The following KRT81 variants were observed in gnomAD, a reference collection of about 807,000 sequenced individuals.
KRT81 encodes keratin, type II cuticular Hb1.
KRT81 carries 35 observed loss-of-function variants against 35.8 expected under a neutral mutation model. That is an observed-to-expected ratio of 0.98 (90% CI 0.75 to 1.30). KRT81 has a LOEUF of 1.30. Among genes scored for constraint, KRT81 ranks in the 50% most tolerant of loss-of-function variants. The pLI, the probability that KRT81 is intolerant of heterozygous loss-of-function variation, is 0.00. For synonymous variants in KRT81, 249 were observed against 251.2 expected, an observed-to-expected ratio of 0.99 and a Z score of 0.08; for missense variants, 531 against 577.4, an observed-to-expected ratio of 0.92 and a Z score of 0.82.
rs1937942444 is a variant in KRT81 at position 52,286,512 on chromosome 12, G to C, written c.1280-19C>G. On this transcript the variant is annotated intron_variant, in intron 8 of 8. Coordinates refer to ENST00000327741, the MANE Select transcript of KRT81 (RefSeq NM_002281.4). ...CTGACACCTGTGAACCCCGAAGGCT[G>C]AGTCAAAATTCTGAAGGGCAAGCCA... 6.4e-7 allele frequency: 1 copy of C among 1,550,606 alleles called. No individual in the cohort carries two copies. The highest frequency in any genetic ancestry group is 1.4e-5 in the African/African-American group (1 of 73,046).
Position 52,288,430 on chromosome 12 carries a change from C to T in KRT81, c.666G>A (p.Lys222=), listed in dbSNP as rs141008448. 3.5e-4 allele frequency: 562 copies of T among 1,613,638 alleles called. 3 individuals are homozygous for T. The East Asian group carries it at 6.2e-3, about 18-fold the overall frequency. The change falls in exon 4 of 9, where the codon AAG becomes AAA. Residue 222 remains lysine, a synonymous_variant. Transcript: ENST00000327741. ...CCTCCACGTTGGCCTCCAGGTCTGA[C>T]TTGCGGAGGTAGGCGCAGTCCACAT... ...KKDVDCAYLR[K]SDLEANVEAL...
At position 52,288,129 on chromosome 12, in the gene KRT81, G is replaced by A. The variant is rs769466293; in HGVS notation, c.755C>T (p.Ser252Leu). 4 of 1,614,114 alleles carry A rather than the reference G, an allele frequency of 2.5e-6. No individual in the cohort carries two copies. Among genetic ancestry groups the A allele is most frequent in the East Asian group, 2.2e-5 (1 of 44,878 alleles). Residue 252 changes from serine to leucine, a missense_variant, in exon 5 of 9, where the codon TCG (serine) becomes TTG (leucine). Transcript: ENST00000327741. ...AACCACGGAGGTGTCTGAGATGTGC[G>A]ACTGGAGAATGAGGATCTCCTGCAG... ...LYEEEILILQ[S>L]HISDTSVVVK... is the part of the protein sequence containing the mutation.
Position 52,285,994 on chromosome 12 carries a change from G to A in KRT81, c.*261C>T, listed in dbSNP as rs1937916076. 5.5e-6 allele frequency: 3 copies of A among 541,032 alleles called. No homozygotes were observed. In the Admixed American group the frequency reaches 9.4e-5, roughly 17 times the overall value. 33.5% of individuals were successfully genotyped at this position (541,032 alleles called of 1,614,324 possible). A position where few individuals can be genotyped will look rare whatever the true frequency, so the allele number is the denominator to read the frequency against. ...CAGGAAGGCAGTTGCCGTGGGCAAG[G>A]TTCTGGTCCTGGCCCTTCCTGCTCC... is the stretch of plus-strand genomic sequence containing the variant. On this transcript the variant is annotated 3_prime_UTR_variant, in exon 9 of 9. Transcript: ENST00000327741.
chr12:52,285,913 T>C lies in KRT81; in HGVS notation c.*342A>G, dbSNP rs1157164535. On this transcript the variant is annotated 3_prime_UTR_variant, in exon 9 of 9. Coordinates refer to ENST00000327741, the MANE Select transcript of KRT81 (RefSeq NM_002281.4). ...AATAGAGACACACACAAGACCCAGGTTGGCTACATTAATTTATTGAAACAC... is the reference window on the plus strand; with the variant it reads ...AATAGAGACACACACAAGACCCAGGCTGGCTACATTAATTTATTGAAACAC... 12 of 374,604 alleles carry C rather than the reference T, an allele frequency of 3.2e-5. No homozygotes were observed. Among genetic ancestry groups the C allele is most frequent in the Non-Finnish European group, 5.1e-5 (10 of 197,082 alleles). The allele number at this position is 374,604 out of a possible 1,614,324, so 23.2% of individuals were successfully genotyped here.
chr12:52,291,119 C>T lies in KRT81; in HGVS notation c.347G>A (p.Arg116Lys). The change falls in exon 1 of 9, where the codon AGG becomes AAG. Residue 116 changes from arginine to lysine, a missense_variant. Arg to Lys is a conservative substitution (Grantham distance 26). Coordinates refer to ENST00000327741, the MANE Select transcript of KRT81 (RefSeq NM_002281.4). ...EKEQIKSLNS[R>K]FAAFIDKVRF... The stretch of plus-strand genomic sequence containing the variant: ...CACCTTGTCGATGAAGGCCGCGAAC[C>T]TGCTGTTGAGGGACTTGATCTGCTC... 1.2e-6 allele frequency: 1 copy of T among 853,936 alleles called. No homozygotes were observed. Among genetic ancestry groups the T allele is most frequent in the East Asian group, 2.8e-5 (1 of 35,398 alleles). The allele number at this position is 853,936 out of a possible 1,614,324, so 52.9% of individuals were successfully genotyped here.
At chr12:52,287,394 C>T (rs994889560) in intron 6 of KRT81, 72 bp from the exon 7 acceptor site, 5 of 1,590,774 alleles carry the variant, frequency 3.1e-6, no homozygotes, top group African/African-American at 2.7e-5. Context: ...AATGAGACCA[C>T]ACTCCCCACC....
At chr12:52,287,871 C>T in intron 5 of KRT81, 113 bp downstream of exon 5, 1 of 1,603,130 alleles carries the variant, frequency 6.2e-7, no homozygotes, top group African/African-American at 1.3e-5. Context: ...GATTGGCAGC[C>T]CTCTCTTCTC....
rs1937927854 is a variant in KRT81, at chr12:52,286,299, A to T, written c.1474T>A (p.Ser492Thr). The change falls in exon 9 of 9, where the codon TCC becomes ACC. Residue 492 changes from serine to threonine, a missense_variant. Around this residue, in one of 5 missense-constraint regions of KRT81, gnomAD observed 150 missense variants for 145.4 expected, o/e 1.03. Transcript: ENST00000327741. ...CTGCCGCAAGACCCCACACCCAGGG[A>T]GCTGATACCACAGGAGCCCACGCCG... ...SCGVGSCGIS[S>T]LGVGSCGSSC... The T allele has an allele frequency of 1.3e-6, 2 of 1,554,574 alleles. No homozygotes were observed. The highest frequency in any genetic ancestry group is 8.7e-7 in the Non-Finnish European group (1 of 1,148,582).
At chr12:52,287,522 G>A (rs143757368) in intron 6 of KRT81, 74 bp downstream of exon 6, 48 of 1,612,634 alleles carry the variant, frequency 3.0e-5, no homozygotes, top group Non-Finnish European at 3.8e-5. Context: ...TGAGATCCAG[G>A]TAGGGCACAC....
rs1232924934 is a variant in KRT81 at position 52,290,545 on chromosome 12, C to CA, written c.370-260_370-259insT. Among the ~76,000 whole-genome samples, 409 of 18,320 alleles carry CA rather than the reference C, an allele frequency of 0.022. 184 individuals carry two copies. The highest frequency in any genetic ancestry group is 0.032 in the Non-Finnish European group (358 of 11,142). 12.0% of individuals were successfully genotyped at this position (18,320 alleles called of 152,430 possible). A position where few individuals can be genotyped will look rare whatever the true frequency, so the allele number is the denominator to read the frequency against. On this transcript the variant is annotated intron_variant, in intron 1 of 8. Coordinates refer to ENST00000327741, the MANE Select transcript of KRT81 (RefSeq NM_002281.4). ...TGGGGAGTTGAGTGACCCCCCCCCC[C>CA]CAACCCAAGCAGATGAACAGAAGTG...
At position 52,286,608 on chromosome 12, in the gene KRT81, G is replaced by C; in HGVS notation, c.1280-115C>G. The C allele has an allele frequency of 2.3e-6, 3 of 1,280,454 alleles. No homozygotes were observed. In the South Asian group the frequency reaches 3.8e-5, roughly 16 times the overall value. The allele number at this position is 1,280,454 out of a possible 1,614,324, so 79.3% of individuals were successfully genotyped here. On this transcript the variant is annotated intron_variant, in intron 8 of 8. Coordinates refer to ENST00000327741, the MANE Select transcript of KRT81 (RefSeq NM_002281.4). ...TATGAAAAGTCAGAAGCATCTTTGT[G>C]GACAATTCTAGGTCCATCTAGTCCA...
At position 52,287,301 on chromosome 12, in the gene KRT81, C is replaced by T; in HGVS notation, c.1048G>A (p.Val350Met). 4.3e-6 allele frequency: 7 copies of T among 1,614,040 alleles called. No homozygotes were observed. Among genetic ancestry groups the T allele is most frequent in the Non-Finnish European group, 5.9e-6 (7 of 1,179,966 alleles). Reference protein sequence around the residue: ...KCQNSKLEAAVAQSEQQGEAA... With the variant: ...KCQNSKLEAAMAQSEQQGEAA... ...TCACCCTGCTGCTCAGACTGGGCCA[C>T]CGCGGCCTCCAGCTTGGAGTTCTGA... is the stretch of plus-strand genomic sequence containing the variant. Residue 350 changes from valine to methionine, a missense_variant, in exon 7 of 9, where the codon GTG becomes ATG. By Grantham distance (21) the Val-to-Met change is conservative (BLOSUM62 1). This residue lies in a region of KRT81 where 49 missense variants were observed against 87.8 expected (regional missense o/e 0.56). Transcript: ENST00000327741.
chr12:52,288,587 C>T (rs1190525918), intron 3 of KRT81, 131 bp from the exon 4 acceptor site: 6 of 1,103,084 alleles, frequency 5.4e-6, no homozygotes, highest in Non-Finnish European at 8.4e-6. Context: ...CCTTTCCTCC[C>T]CTTCTGCCCT....
intron 6 of KRT81, 62 bp downstream of exon 6, chr12:52,287,534 T>G (rs1051296348): frequency 1.9e-6 from 3 of 1,612,670 alleles, no homozygotes; most frequent in Non-Finnish European, 2.5e-6. Context: ...AGGGCACACA[T>G]AGGCTGTGTG....
intron 8 of KRT81, 100 bp from the exon 9 acceptor site, chr12:52,286,593 C>G: frequency 2.2e-6 from 3 of 1,337,100 alleles, no homozygotes; most frequent in East Asian, 2.5e-5. Context: ...TATGAAAAGT[C>G]AGAAGCATCT....
intron 8 of KRT81, 26 bp downstream of exon 8, chr12:52,286,765 G>A: frequency 6.2e-7 from 1 of 1,611,256 alleles, no homozygotes. Context: ...TAGTAAATCT[G>A]TCCACACTGG....
chr12:52,288,553 A>T, intron 3 of KRT81, 97 bp from the exon 4 acceptor site: 5 of 1,417,420 alleles, frequency 3.5e-6, no homozygotes, highest in Non-Finnish European at 5.0e-6. Context: ...AGGGGAAAGC[A>T]GTCCCTGGTG....
Position 52,287,981 on chromosome 12 carries a change from C to G in KRT81, c.900+3G>C, listed in dbSNP as rs765911121. The G allele has an allele frequency of 1.2e-6, 2 of 1,614,226 alleles. No individual in the cohort carries two copies. Among genetic ancestry groups the G allele is most frequent in the Non-Finnish European group, 1.7e-6 (2 of 1,180,040 alleles). On this transcript the variant is annotated splice_donor_region_variant and intron_variant, in intron 5 of 8. Transcript: ENST00000327741. Reference sequence around the variant, plus strand: ...TAGCAGGCAGGTGTCCTGTGCCACTCACCTTGCTGCGGTACCAGGACTCGG... The same window carrying G: ...TAGCAGGCAGGTGTCCTGTGCCACTGACCTTGCTGCGGTACCAGGACTCGG...
rs752916490 is a variant in KRT81, at chr12:52,287,201, G to A, written c.1148C>T (p.Ala383Val). The change falls in exon 7 of 9, where the codon GCC becomes GTC. Residue 383 changes from alanine (A) to valine (V), a missense_variant. Physicochemically the swap from Ala to Val is moderately conservative, Grantham distance 64. Coordinates refer to ENST00000327741, the MANE Select transcript of KRT81 (RefSeq NM_002281.4). ...GALQKAKQDM[A>V]CLIREYQEVM... ...CTCCTGGTACTCCCTGATCAGGCAGGCCATGTCCTGCTTGGCCTTCTGCAG... is the reference window on the plus strand; with the variant it reads ...CTCCTGGTACTCCCTGATCAGGCAGACCATGTCCTGCTTGGCCTTCTGCAG... 2 of 1,613,964 alleles carry A rather than the reference G, an allele frequency of 1.2e-6. No individual in the cohort carries two copies. The highest frequency in any genetic ancestry group is 2.2e-5 in the East Asian group (1 of 44,876).
Sources: gnomAD v4.1 joint callset for allele counts (sites outside exome capture counted in the v4.1 genomes callset) on GRCh38, gnomAD v4.1.1 for gene constraint, gnomAD v4.1.1 regional missense constraint, MANE v1.5 for transcripts, NCBI Gene and HGNC (gene_info 2026-07-23, HGNC 2026-07-21) for gene names.